The following EVC variants were observed in gnomAD, a reference collection of about 807,000 sequenced individuals.
EVC encodes the protein evC complex member EVC.
In EVC, 116 loss-of-function variants were observed where a neutral mutation model predicts 118.9. The ratio of observed to expected loss-of-function variants is 0.98; its 90% confidence interval spans 0.84 to 1.14. EVC has a LOEUF of 1.14. Among genes scored for constraint, EVC ranks in the 50% most tolerant of loss-of-function variants. The pLI, the probability that EVC is intolerant of heterozygous loss-of-function variation, is 0.00. For synonymous variants in EVC, 619 were observed against 534.7 expected, an observed-to-expected ratio of 1.16 and a Z score of -2.18; for missense variants, 1,401 against 1,246.4, an observed-to-expected ratio of 1.12 and a Z score of -1.87.
rs1293393781 is a variant in EVC, at chr4:5,713,100, T to C, written c.174+1546T>C. Among the ~76,000 whole-genome samples, 8 of 152,160 alleles carry C rather than the reference T, an allele frequency of 5.3e-5. No homozygotes were observed. In the East Asian group the frequency reaches 1.5e-3, roughly 29 times the overall value. On this transcript the variant is annotated intron_variant, in intron 1 of 20. Coordinates refer to ENST00000264956, the MANE Select transcript of EVC (RefSeq NM_153717.3). Reference sequence around the variant, plus strand: ...GTTAGTATCCCATTTGCTAGCTGAGTCAGCTGAGGCTTACCGGGATTAACC... The same window carrying C: ...GTTAGTATCCCATTTGCTAGCTGAGCCAGCTGAGGCTTACCGGGATTAACC...
At chr4:5,788,922 G>A (rs993941485) in intron 12 of EVC, among the ~76,000 whole-genome samples, 2 of 150,544 alleles carry the variant, frequency 1.3e-5, no homozygotes, top group African/African-American at 5.0e-5. Context: ...GCTGTCATTC[G>A]TGTTAGTGCA....
At chr4:5,772,824 C>T (rs1257927326) in intron 11 of EVC, among the ~76,000 whole-genome samples, 3 of 152,176 alleles carry the variant, frequency 2.0e-5, no homozygotes. Flanking sequence ...TTGTCCCTCC[C>T]ACCCCAGTGC....
intron 6 of EVC, 60 bp from the exon 7 acceptor site, chr4:5,745,144 T>G: frequency 6.6e-7 from 1 of 1,523,540 alleles, no homozygotes; most frequent in Non-Finnish European, 9.0e-7. Context: ...TTTCTAGAAT[T>G]TAAGACACGC....
chr4:5,762,713 T>A (rs1732266849), intron 11 of EVC, among the ~76,000 whole-genome samples: 1 of 137,114 alleles, frequency 7.3e-6, no homozygotes, highest in South Asian at 2.5e-4. Context: ...TTGAGAAGTG[T>A]CTGTTCATGT....
At chr4:5,711,652 C>G (rs1444508431) in intron 1 of EVC, 98 bp downstream of exon 1, 1 of 964,440 alleles carries the variant, frequency 1.0e-6, no homozygotes, top group African/African-American at 1.8e-5. Context: ...ACTCCTTGAG[C>G]CTGGTTGGGA....
the EVC span, chr4:5,828,401 ACT>A: frequency 2.6e-6 from 4 of 1,518,498 alleles, no homozygotes; most frequent in Admixed American, 6.3e-5. Flanking sequence ...GACATTATTA[ACT>A]CTGCACACGT....
intron 17 of EVC, among the ~76,000 whole-genome samples, chr4:5,806,925 C>G (rs1394031032): frequency 6.6e-6 from 1 of 152,188 alleles, no homozygotes; most frequent in Non-Finnish European, 1.5e-5. Flanking sequence ...TTGCATTCCT[C>G]TGATGATGGG....
At chr4:5,815,367 A>G (rs191124239), downstream of EVC, among the ~76,000 whole-genome samples, 81 of 152,328 alleles carry the variant, frequency 5.3e-4, no homozygotes, top group African/African-American at 1.9e-3. Context: ...AAAGAAAAGC[A>G]TTCCAACGTA....
chr4:5,716,319 G>C (rs991671812), intron 1 of EVC, among the ~76,000 whole-genome samples: 9 of 152,230 alleles, frequency 5.9e-5, no homozygotes, highest in African/African-American at 1.9e-4. Flanking sequence ...TGGCCTAAAA[G>C]GGCCAGACAT....
At chr4:5,721,344 C>G (rs1346771767) in intron 2 of EVC, among the ~76,000 whole-genome samples, 1 of 152,018 alleles carries the variant, frequency 6.6e-6, no homozygotes, top group Admixed American at 6.6e-5. Context: ...AATGAAGGGC[C>G]GATGGGTGCT....
In EVC at chr4:5,811,247, C is replaced by G. The variant is rs16837692; in HGVS notation, c.*210C>G. The G allele has an allele frequency of 1.8e-6, 1 of 548,072 alleles. No individual in the cohort carries two copies. Among genetic ancestry groups the G allele is most frequent in the East Asian group, 3.2e-5 (1 of 31,410 alleles). 34.0% of individuals were successfully genotyped at this position (548,072 alleles called of 1,614,324 possible). ...ATTAGGCATTCCCGTCTTGGAAACA[C>G]GTCTCTGTGAGTTTGCATTTCATTT... On this transcript the variant is annotated 3_prime_UTR_variant, in exon 21 of 21. Transcript: ENST00000264956.
chr4:5,727,514 T>C (rs1159783218), intron 2 of EVC, among the ~76,000 whole-genome samples: 4 of 152,184 alleles, frequency 2.6e-5, no homozygotes, highest in Admixed American at 2.6e-4. Context: ...TTCTCCCATT[T>C]TGTAGGTTGC....
chr4:5,762,986 C>A (rs28870105), intron 11 of EVC, among the ~76,000 whole-genome samples: 61,034 of 85,022 alleles, frequency 0.72, 23,132 homozygotes, highest in Middle Eastern at 0.78. Context: ...CCATGCCTAT[C>A]TCCTGAATGG....
In EVC at chr4:5,748,295, C is replaced by A; in HGVS notation, c.1087C>A (p.Leu363Met). 1 of 1,614,114 alleles carries A rather than the reference C, an allele frequency of 6.2e-7. No homozygotes were observed. Among genetic ancestry groups the A allele is most frequent in the Non-Finnish European group, 8.5e-7 (1 of 1,180,028 alleles). ...AEGLLCDSQE[L>M]QALDALERTM... ...AGGGCTATTGTGCGATTCTCAGGAG[C>A]TGCAGGCTCTGGTAATGCTGGAGGG... The change falls in exon 8 of 21, where the codon CTG becomes ATG. Residue 363 changes from leucine to methionine, a missense_variant. Coordinates refer to ENST00000264956, the MANE Select transcript of EVC (RefSeq NM_153717.3).
intron 7 of EVC, among the ~76,000 whole-genome samples, chr4:5,747,922 C>T (rs1476158319): frequency 3.3e-5 from 5 of 152,168 alleles, no homozygotes; most frequent in African/African-American, 1.2e-4. Flanking sequence ...CTCGTGTCTG[C>T]TGAAACACCA....
chr4:5,824,442 T>C, the EVC span: 2 of 985,376 alleles, frequency 2.0e-6, no homozygotes, highest in South Asian at 9.4e-5. Flanking sequence ...CCTGAATGGA[T>C]AAGAGGTTCT....
At chr4:5,748,519 TCCATCCATCCATCTAC>T (rs1189552283) in intron 8 of EVC, among the ~76,000 whole-genome samples, 4 of 122,672 alleles carry the variant, frequency 3.3e-5, no homozygotes, top group Non-Finnish European at 5.1e-5. Context: ...GACCCTTCCA[TCCATCCATCCATCTAC>T]CCATCCATCC....
intron 7 of EVC, among the ~76,000 whole-genome samples, chr4:5,747,605 C>G (rs1259687622): frequency 1.3e-5 from 2 of 152,172 alleles, no homozygotes; most frequent in African/African-American, 4.8e-5. Flanking sequence ...CTCCTGCATT[C>G]TAAGCCACTT....
intron 11 of EVC, among the ~76,000 whole-genome samples, chr4:5,762,822 G>T (rs1217362888): frequency 0.015 from 1,045 of 70,588 alleles, 208 homozygotes; most frequent in African/African-American, 0.052. Flanking sequence ...ACATGAGTAG[G>T]TTGCGAAAAT....
Sources: allele counts gnomAD v4.1 joint callset (sites outside exome capture counted in the v4.1 genomes callset), GRCh38; gene constraint gnomAD v4.1.1; transcripts MANE v1.5; gene names NCBI Gene and HGNC (gene_info 2026-07-23, HGNC 2026-07-21).